Variants in SGCZ observed in about 807,000 individuals in gnomAD.
The protein encoded by SGCZ is zeta-sarcoglycan.
A neutral mutation model predicts 41.3 loss-of-function variants in SGCZ; 40 were observed. The observed-to-expected ratio is 0.97, with a 90% CI of 0.75 to 1.26. SGCZ has a LOEUF of 1.26. Among genes scored for constraint, SGCZ ranks in the 50% most tolerant of loss-of-function variants. SGCZ has a pLI of 0.00. For synonymous variants in SGCZ, 206 were observed against 137.5 expected (o/e 1.50, Z -3.49); for missense variants, 552 against 369.8 (o/e 1.49, Z -4.04).
chr8:14,521,762 C>T (rs1802796087), intron 2 of SGCZ, among the ~76,000 whole-genome samples: 1 of 152,036 alleles, frequency 6.6e-6, no homozygotes, highest in Non-Finnish European at 1.5e-5. Context: ...TTTTACATTG[C>T]CACCAATACT....
At chr8:14,542,782 T>C (rs1305922047) in intron 2 of SGCZ, among the ~76,000 whole-genome samples, 2 of 152,080 alleles carry the variant, frequency 1.3e-5, no homozygotes, top group African/African-American at 2.4e-5. Flanking sequence ...GGATTTTTTA[T>C]TGGTGTATTT....
intron 1 of SGCZ, among the ~76,000 whole-genome samples, chr8:14,662,527 G>C (rs900623521): frequency 6.6e-6 from 1 of 152,128 alleles, no homozygotes; most frequent in Non-Finnish European, 1.5e-5. Flanking sequence ...CTTAGTAGTA[G>C]AGTTTCAACA....
At chr8:14,408,095 A>G (rs926577870) in intron 2 of SGCZ, among the ~76,000 whole-genome samples, 3 of 151,648 alleles carry the variant, frequency 2.0e-5, no homozygotes, top group African/African-American at 7.2e-5. Context: ...ACATTCTCTA[A>G]CTACCTCTTT....
At chr8:14,523,885 T>C (rs1802862876) in intron 2 of SGCZ, among the ~76,000 whole-genome samples, 2 of 152,092 alleles carry the variant, frequency 1.3e-5, no homozygotes, top group South Asian at 2.1e-4. Flanking sequence ...CCCTACTCTG[T>C]TTTCTTTCTA....
rs1021925972 is a variant in SGCZ at position 14,984,571 on chromosome 8, A to T, written c.39+253014T>A. On this transcript the variant is annotated intron_variant, in intron 1 of 7. Transcript: ENST00000382080. ...GCTATAGTCTGGATTTTGTTGCTGCAACCACACAATATCATTTAACAGGTT... is the reference window on the plus strand; with the variant it reads ...GCTATAGTCTGGATTTTGTTGCTGCTACCACACAATATCATTTAACAGGTT... 1.3e-4 allele frequency among the ~76,000 whole-genome samples: 20 copies of T among 152,040 alleles called. 1 individual carries two copies. Among genetic ancestry groups the T allele is most frequent in the Non-Finnish European group, 2.1e-4 (14 of 68,010 alleles).
chr8:14,508,312 C>T (rs981394911), intron 2 of SGCZ, among the ~76,000 whole-genome samples: 1 of 152,116 alleles, frequency 6.6e-6, no homozygotes, highest in African/African-American at 2.4e-5. Context: ...CCCCAAAATA[C>T]ATTTGTTGAA....
chr8:14,121,036 A>G (rs887096508), intron 5 of SGCZ, among the ~76,000 whole-genome samples: 5 of 152,136 alleles, frequency 3.3e-5, no homozygotes, highest in Admixed American at 3.3e-4. Context: ...GTATTATTAT[A>G]AAATTCTAAT....
At chr8:14,776,618 C>A (rs201763852) in intron 1 of SGCZ, among the ~76,000 whole-genome samples, 1 of 150,742 alleles carries the variant, frequency 6.6e-6, no homozygotes, top group East Asian at 2.0e-4. Context: ...CTCAGCCTCC[C>A]GAGTAGCTGG....
intron 2 of SGCZ, among the ~76,000 whole-genome samples, chr8:14,397,575 G>A (rs990334970): frequency 6.6e-6 from 1 of 152,056 alleles, no homozygotes; most frequent in Non-Finnish European, 1.5e-5. Context: ...ATAATACATG[G>A]TAAAGCAGTA....
chr8:15,217,396 GAC>G (rs1195995833), intron 1 of SGCZ, among the ~76,000 whole-genome samples: 2 of 141,652 alleles, frequency 1.4e-5, no homozygotes, highest in Non-Finnish European at 3.0e-5. Flanking sequence ...CAACCTGGGA[GAC>G]ACAGCGAGAC....
intron 1 of SGCZ, among the ~76,000 whole-genome samples, chr8:14,588,568 A>C (rs1018177201): frequency 3.3e-5 from 5 of 152,176 alleles, no homozygotes; most frequent in African/African-American, 1.2e-4. Flanking sequence ...TTCATGAGCA[A>C]ATAGAATGTT....
intron 1 of SGCZ, among the ~76,000 whole-genome samples, chr8:14,669,828 A>T (rs371349352): frequency 6.6e-6 from 1 of 152,072 alleles, no homozygotes; most frequent in African/African-American, 2.4e-5. Flanking sequence ...TCTCATCGAG[A>T]TCCTCACTTT....
rs146775812 is a variant in SGCZ, at chr8:14,103,833, ATCAC to A, written c.621-1338_621-1335del. ...TAGAATATTTGAAAACTTGAAGACA[ATCAC>A]TCACAATCCTACTGCTTAATAAAAT... On this transcript the variant is annotated intron_variant, in intron 6 of 7. Coordinates refer to ENST00000382080, the MANE Select transcript of SGCZ (RefSeq NM_139167.4). Among the ~76,000 whole-genome samples the A allele has an allele frequency of 6.6e-3, 1,004 of 152,280 alleles. 11 individuals are homozygous for A. The highest frequency in any genetic ancestry group is 0.022 in the African/African-American group (921 of 41,560).
chr8:14,285,311 A>G (rs905152679), intron 3 of SGCZ, among the ~76,000 whole-genome samples: 1 of 152,108 alleles, frequency 6.6e-6, no homozygotes, highest in Non-Finnish European at 1.5e-5. Context: ...AGGGAGGAGC[A>G]ACCTGTTTGT....
At chr8:14,276,360 C>T (rs1800232539) in intron 3 of SGCZ, among the ~76,000 whole-genome samples, 2 of 152,068 alleles carry the variant, frequency 1.3e-5, no homozygotes, top group Admixed American at 1.3e-4. Context: ...CATTGCTTAG[C>T]ATGGTGACTG....
intron 1 of SGCZ, among the ~76,000 whole-genome samples, chr8:14,652,993 T>C (rs866262293): frequency 5.3e-5 from 8 of 152,144 alleles, no homozygotes; most frequent in African/African-American, 1.2e-4. Flanking sequence ...TGACTTCAGA[T>C]ACATGCAATT....
intron 2 of SGCZ, among the ~76,000 whole-genome samples, chr8:14,377,930 C>T (rs375382184): frequency 0.35 from 51,391 of 146,472 alleles, 9,994 homozygotes; most frequent in African/African-American, 0.52. Flanking sequence ...AGTCTATCAT[C>T]GTTGGACATT....
At chr8:14,157,351 TGTGTGTGTGTGTGA>T (rs1803907941) in intron 5 of SGCZ, among the ~76,000 whole-genome samples, 3 of 131,430 alleles carry the variant, frequency 2.3e-5, no homozygotes, top group Non-Finnish European at 3.2e-5. Context: ...TGTGTGTGTG[TGTGTGTGTGTGTGA>T]GTGTGTGTGT....
intron 2 of SGCZ, among the ~76,000 whole-genome samples, chr8:14,401,895 G>A (rs1331547213): frequency 1.3e-5 from 2 of 150,452 alleles, no homozygotes; most frequent in East Asian, 1.9e-4. Context: ...CTAGTTTACA[G>A]TCCCACCAAC....
Sources: allele counts gnomAD v4.1 joint callset (sites outside exome capture counted in the v4.1 genomes callset), GRCh38; gene constraint gnomAD v4.1.1; transcripts MANE v1.5; gene names NCBI Gene and HGNC (gene_info 2026-07-23, HGNC 2026-07-21).